The following MAOA variants were observed in gnomAD, a reference collection of about 807,000 sequenced individuals.
The protein encoded by MAOA is monoamine oxidase A, also known as amine oxidase [flavin-containing] A.
A neutral mutation model predicts 42.0 loss-of-function variants in MAOA; 6 were observed. The ratio of observed to expected loss-of-function variants is 0.14; its 90% CI spans 0.08 to 0.28. The LOEUF is 0.28. Among genes scored for constraint, MAOA ranks in the 10% least tolerant of loss-of-function variants. The pLI, the probability that MAOA is intolerant of heterozygous loss-of-function variation, is 1.00. For synonymous variants in MAOA, 140 were observed against 154.0 expected, an observed-to-expected ratio of 0.91 and a Z score of 0.67; for missense variants, 262 against 422.3, an observed-to-expected ratio of 0.62 and a Z score of 3.33.
At chrX:43,741,383 G>A (rs2033959622) in intron 11 of MAOA, among the ~76,000 whole-genome samples, 1 of 111,892 alleles carries the variant, frequency 8.9e-6, no homozygotes, top group Non-Finnish European at 1.9e-5. Flanking sequence ...GGAAATTAGA[G>A]AAGGTTCTCT....
chrX:43,675,225 G>A (rs2147076908), intron 1 of MAOA, among the ~76,000 whole-genome samples: 1 of 111,780 alleles, frequency 8.9e-6, no homozygotes, highest in Non-Finnish European at 1.9e-5. Flanking sequence ...TCTTCCAGCT[G>A]ATCGCATCGG....
rs768926368 is a variant in MAOA, at chrX:43,693,385, C to A, written c.263C>A (p.Thr88Asn). The change falls in exon 3 of 15, where the codon ACT (threonine) becomes AAT (asparagine). Residue 88 changes from threonine to asparagine, a missense_variant. Physicochemically the swap from Thr to Asn is moderately conservative, Grantham distance 65. Coordinates refer to ENST00000338702, the MANE Select transcript of MAOA (RefSeq NM_000240.4). ...LRLSKELGIE[T>N]YKVNVSERLV... ...TTGTCTAAGGAGCTGGGCATAGAGA[C>A]TTACAAAGTGAATGTCAGTGAGCGT... The A allele has an allele frequency of 1.7e-6, 2 of 1,210,959 alleles. No homozygotes were observed. The highest frequency in any genetic ancestry group is 1.8e-5 in the South Asian group (1 of 56,989).
chrX:43,656,644 A>T (rs1443849217), intron 1 of MAOA, among the ~76,000 whole-genome samples: 1 of 111,266 alleles, frequency 9.0e-6, no homozygotes, highest in African/African-American at 3.3e-5. Context: ...ATTAAATACT[A>T]ATATTTAATT....
chrX:43,726,946 G>A, intron 5 of MAOA, among the ~76,000 whole-genome samples: 1 of 111,616 alleles, frequency 9.0e-6, no homozygotes. Flanking sequence ...CTGCAAGTCT[G>A]TTGGAGTTTG....
intron 1 of MAOA, among the ~76,000 whole-genome samples, chrX:43,669,321 G>A (rs887526699): frequency 4.6e-5 from 5 of 109,830 alleles, no homozygotes; most frequent in Non-Finnish European, 9.5e-5. Flanking sequence ...GGGAGGCTGA[G>A]GCAAGAGAAT....
intron 9 of MAOA, among the ~76,000 whole-genome samples, chrX:43,733,481 G>A (rs1390707871): frequency 9.0e-6 from 1 of 111,640 alleles, no homozygotes; most frequent in Non-Finnish European, 1.9e-5. Context: ...GTTGGGGGCT[G>A]GGGAGTCCAG....
rs939500682 is a variant in MAOA at position 43,744,807 on chromosome X, A to C, written c.*294A>C. 2.9e-5 allele frequency: 10 copies of C among 345,528 alleles called. No homozygotes were observed. Among genetic ancestry groups the C allele is most frequent in the African/African-American group, 1.8e-4 (7 of 38,512 alleles). The allele number at this position is 345,528 out of a possible 1,213,427, so 28.5% of individuals were successfully genotyped here. A position where few individuals can be genotyped will look rare whatever the true frequency, so the allele number is the denominator to read the frequency against. On this transcript the variant is annotated 3_prime_UTR_variant, in exon 15 of 15. Coordinates refer to ENST00000338702, the MANE Select transcript of MAOA (RefSeq NM_000240.4). ...AAGTTAAACGTGATGTGCTCATCAG[A>C]AACAATTTCTGTGTCCTGTTTTTAT...
intron 1 of MAOA, among the ~76,000 whole-genome samples, chrX:43,676,344 T>C (rs1205216977): frequency 1.8e-5 from 2 of 111,967 alleles, no homozygotes; most frequent in East Asian, 5.7e-4. Context: ...AGGTGCCGTC[T>C]GTCACCCCTT....
chrX:43,700,648 G>A (rs1313655944), intron 3 of MAOA, among the ~76,000 whole-genome samples: 1 of 111,940 alleles, frequency 8.9e-6, no homozygotes, highest in Non-Finnish European at 1.9e-5. Flanking sequence ...GACCACAGAT[G>A]TATTCTATTA....
intron 10 of MAOA, among the ~76,000 whole-genome samples, chrX:43,739,419 C>A (rs921841066): frequency 2.7e-5 from 3 of 111,824 alleles, no homozygotes; most frequent in African/African-American, 9.7e-5. Context: ...GCCTCCTCCT[C>A]CTGATTTTAT....
At chrX:43,698,107 T>A (rs1429706361) in intron 3 of MAOA, among the ~76,000 whole-genome samples, 1 of 112,326 alleles carries the variant, frequency 8.9e-6, no homozygotes, top group Non-Finnish European at 1.9e-5. Flanking sequence ...AACACTGAAG[T>A]GAAAAGGAAG....
At chrX:43,743,092 G>A (rs1398349837) in intron 12 of MAOA, among the ~76,000 whole-genome samples, 1 of 110,529 alleles carries the variant, frequency 9.0e-6, no homozygotes, top group Admixed American at 9.6e-5. Flanking sequence ...AGGGTGGGGG[G>A]CAGGACATGC....
intron 3 of MAOA, among the ~76,000 whole-genome samples, chrX:43,694,931 G>A (rs1238696122): frequency 2.7e-5 from 3 of 111,797 alleles, no homozygotes; most frequent in Non-Finnish European, 5.6e-5. Context: ...AGTTTACCTG[G>A]AGGCTAACAA....
chrX:43,702,825 C>T (rs1282648482), intron 3 of MAOA, among the ~76,000 whole-genome samples: 1 of 111,122 alleles, frequency 9.0e-6, no homozygotes, highest in South Asian at 3.8e-4. Context: ...TGCCAAAGTA[C>T]ACAGTAGCCT....
intron 3 of MAOA, among the ~76,000 whole-genome samples, chrX:43,697,387 G>A (rs746524687): frequency 1.8e-5 from 2 of 111,876 alleles, no homozygotes; most frequent in Non-Finnish European, 3.8e-5. Flanking sequence ...AAGCCTGAAA[G>A]AGCAGTGTTA....
intron 5 of MAOA, among the ~76,000 whole-genome samples, chrX:43,714,183 A>G (rs1296573482): frequency 9.0e-6 from 1 of 111,161 alleles, no homozygotes; most frequent in Non-Finnish European, 1.9e-5. Context: ...GGAGAAAGGG[A>G]TAATGGAGAA....
intron 3 of MAOA, among the ~76,000 whole-genome samples, chrX:43,699,848 A>G (rs1438585315): frequency 2.7e-5 from 3 of 111,927 alleles, no homozygotes; most frequent in Non-Finnish European, 3.8e-5. Context: ...CTTACCAGAT[A>G]TAACCCCTCA....
At chrX:43,669,896 C>T in intron 1 of MAOA, among the ~76,000 whole-genome samples, 1 of 111,776 alleles carries the variant, frequency 8.9e-6, no homozygotes, top group Non-Finnish European at 1.9e-5. Context: ...TACTTTTCCA[C>T]AGATCGCCCT....
At position 43,711,989 on chromosome X, in the gene MAOA, T is replaced by A; in HGVS notation, c.411+13T>A. On this transcript the variant is annotated intron_variant, in intron 4 of 14. Coordinates refer to ENST00000338702, the MANE Select transcript of MAOA (RefSeq NM_000240.4). The stretch of plus-strand genomic sequence containing the variant: ...CATGGGGAAGGAGGTAAAATGTGTG[T>A]TCAGTTTGCACATGACCCATTACTG... The A allele has an allele frequency of 9.2e-7, 1 of 1,090,734 alleles. No homozygotes were observed. The highest frequency in any genetic ancestry group is 1.3e-6 in the Non-Finnish European group (1 of 785,421). 89.9% of individuals were successfully genotyped at this position (1,090,734 alleles called of 1,213,427 possible).
Sources: allele counts gnomAD v4.1 joint callset (sites outside exome capture counted in the v4.1 genomes callset), GRCh38; gene constraint gnomAD v4.1.1; transcripts MANE v1.5; gene names NCBI Gene and HGNC (gene_info 2026-07-23, HGNC 2026-07-21).